Variants in PGR observed in about 807,000 individuals in gnomAD.
PGR encodes nuclear receptor subfamily 3 group C member 3.
In PGR, 25 loss-of-function variants were observed where a neutral mutation model predicts 76.1. That is an observed-to-expected ratio of 0.33 (90% CI 0.24 to 0.46). PGR has a LOEUF of 0.46. Among genes scored for constraint, PGR ranks in the 20% least tolerant of loss-of-function variants. The pLI, the probability that PGR is intolerant of heterozygous loss-of-function variation, is 1.00. For missense variants in PGR, 1,172 were observed against 1,225.3 expected (o/e 0.96, Z 0.65); for synonymous variants, 579 against 535.0 (o/e 1.08, Z -1.14).
At chr11:101,088,441 C>T (rs1412947240) in intron 3 of PGR, among the ~76,000 whole-genome samples, 1 of 152,154 alleles carries the variant, frequency 6.6e-6, no homozygotes, top group African/African-American at 2.4e-5. Context: ...ATGCCATTCT[C>T]CTGCCTCAGC....
chr11:101,096,977 C>A (rs955698366), intron 2 of PGR, among the ~76,000 whole-genome samples: 7 of 147,974 alleles, frequency 4.7e-5, no homozygotes, highest in African/African-American at 1.8e-4. Context: ...CTATAAGCCA[C>A]CACAAACAGG....
chr11:101,046,373 A>G (rs943169619), intron 6 of PGR, among the ~76,000 whole-genome samples: 8 of 135,924 alleles, frequency 5.9e-5, no homozygotes, highest in African/African-American at 2.3e-4. Flanking sequence ...GGCTGGTCTC[A>G]AACTCCTGGG....
At chr11:101,055,945 A>G (rs1298733506) in intron 4 of PGR, among the ~76,000 whole-genome samples, 1 of 152,212 alleles carries the variant, frequency 6.6e-6, no homozygotes. Flanking sequence ...ACAGAATGGA[A>G]TAGAACTCAG....
At chr11:101,103,303 G>A (rs1424909107) in intron 2 of PGR, among the ~76,000 whole-genome samples, 1 of 152,052 alleles carries the variant, frequency 6.6e-6, no homozygotes, top group Admixed American at 6.6e-5. Context: ...CTTTGGACTG[G>A]AATCTAAGAC....
chr11:101,102,489 G>T (rs931820455), intron 2 of PGR, among the ~76,000 whole-genome samples: 2 of 152,156 alleles, frequency 1.3e-5, no homozygotes, highest in African/African-American at 4.8e-5. Context: ...TGAGACAAAG[G>T]TTCAGACCAG....
At chr11:101,095,376 C>T (rs552650016) in intron 2 of PGR, among the ~76,000 whole-genome samples, 11 of 152,292 alleles carry the variant, frequency 7.2e-5, no homozygotes, top group African/African-American at 2.4e-4. Flanking sequence ...CTGCAACTTA[C>T]TATCCACAAA....
chr11:101,057,005 C>G (rs1417622369), intron 4 of PGR, among the ~76,000 whole-genome samples: 3 of 152,090 alleles, frequency 2.0e-5, no homozygotes, highest in African/African-American at 7.2e-5. Context: ...ATTCTTTAAC[C>G]ATCTATTTGG....
At chr11:101,045,268 TAACTC>T (rs544531297) in intron 6 of PGR, among the ~76,000 whole-genome samples, 14 of 152,304 alleles carry the variant, frequency 9.2e-5, no homozygotes, top group African/African-American at 2.9e-4. Flanking sequence ...ATTGAAAACT[TAACTC>T]TAGTATGTAC....
At chr11:101,060,914 T>G (rs992265789) in intron 4 of PGR, among the ~76,000 whole-genome samples, 1 of 152,182 alleles carries the variant, frequency 6.6e-6, no homozygotes, top group Admixed American at 6.5e-5. Flanking sequence ...GGTTTCCGGT[T>G]AAAAAGGTCA....
chr11:101,127,923 G>T lies in PGR; in HGVS notation c.1148C>A (p.Pro383His), dbSNP rs1256440745. 29 of 1,611,582 alleles carry T rather than the reference G, an allele frequency of 1.8e-5. No homozygotes were observed. The East Asian group carries it at 6.3e-4, about 35-fold the overall frequency. The stretch of plus-strand genomic sequence containing the variant: ...CTCCTCCTCCTTTATCTTTAGAGCG[G>T]GCGGCTGGAAGTCGCTATAGAGAGG... Reference protein sequence around the residue: ...AYPLYSDFQPPALKIKEEEEG... With the variant: ...AYPLYSDFQPHALKIKEEEEG... The change falls in exon 1 of 8, where the codon CCC (proline) becomes CAC (histidine). Residue 383 changes from proline to histidine, a missense_variant. Around this residue, in one of 4 missense-constraint regions of PGR, gnomAD observed 893 missense variants for 785.9 expected, o/e 1.14. Coordinates refer to ENST00000325455, the MANE Select transcript of PGR (RefSeq NM_000926.4).
At position 101,044,473 on chromosome 11, in the gene PGR, TATC is replaced by T. The variant is rs368537526; in HGVS notation, c.2489-2374_2489-2372del. Among the ~76,000 whole-genome samples, 311 of 152,248 alleles carry T rather than the reference TATC, an allele frequency of 2.0e-3. 1 individual carries two copies. The highest frequency in any genetic ancestry group is 6.9e-3 in the African/African-American group (287 of 41,554). On this transcript the variant is annotated intron_variant, in intron 6 of 7. Transcript: ENST00000325455. ...ATATCAGCAATAAGGCGGTTTTGCT[TATC>T]ATTCATGTGTTCACTGGAATGGCAC...
chr11:101,068,964 A>ACTT (rs1208049025), intron 3 of PGR, among the ~76,000 whole-genome samples: 5 of 152,228 alleles, frequency 3.3e-5, no homozygotes, highest in African/African-American at 1.2e-4. Flanking sequence ...ATGGGCAAAG[A>ACTT]CTTCATGACT....
At chr11:101,060,464 T>C (rs2135408282) in intron 4 of PGR, among the ~76,000 whole-genome samples, 1 of 152,298 alleles carries the variant, frequency 6.6e-6, no homozygotes, top group Non-Finnish European at 1.5e-5. Context: ...AGCAGGTACA[T>C]AATAGACATT....
rs111398246 is a variant in PGR, at chr11:101,057,305, A to G, written c.2212+5142T>C. 2.4e-3 allele frequency among the ~76,000 whole-genome samples: 371 copies of G among 152,270 alleles called. 1 individual carries two copies. Among genetic ancestry groups the G allele is most frequent in the Non-Finnish European group, 4.6e-3 (313 of 68,006 alleles). On this transcript the variant is annotated intron_variant, in intron 4 of 7. Transcript: ENST00000325455. ...TGGGAAAAGAGATGGGCTGCCAGGTAGGAAAAATAATATGGGCAAGAGAAG... is the reference window on the plus strand; with the variant it reads ...TGGGAAAAGAGATGGGCTGCCAGGTGGGAAAAATAATATGGGCAAGAGAAG...
At chr11:101,122,459 C>A (rs534989807) in intron 2 of PGR, among the ~76,000 whole-genome samples, 1 of 152,174 alleles carries the variant, frequency 6.6e-6, no homozygotes, top group Non-Finnish European at 1.5e-5. Context: ...ATAGTCCTTT[C>A]CTTCATCATA....
chr11:101,111,697 T>A (rs1277867262), intron 2 of PGR, among the ~76,000 whole-genome samples: 1 of 152,140 alleles, frequency 6.6e-6, no homozygotes, highest in African/African-American at 2.4e-5. Context: ...GAACACTGGC[T>A]TACCAGAGAA....
chr11:101,098,502 G>A lies in PGR; in HGVS notation c.1790-6626C>T, dbSNP rs79191811. Among the ~76,000 whole-genome samples, 1,475 of 152,160 alleles carry A rather than the reference G, an allele frequency of 9.7e-3. 29 individuals carry two copies. Among genetic ancestry groups the A allele is most frequent in the African/African-American group, 0.033 (1,369 of 41,500 alleles). On this transcript the variant is annotated intron_variant, in intron 2 of 7. Coordinates refer to ENST00000325455, the MANE Select transcript of PGR (RefSeq NM_000926.4). ...AGCAACATGAGCTGGTCCATATGAG[G>A]GCAATCTTTCTACCACAAACACAGA...
intron 2 of PGR, among the ~76,000 whole-genome samples, chr11:101,092,395 T>A (rs1321888249): frequency 6.6e-6 from 1 of 152,220 alleles, no homozygotes; most frequent in African/African-American, 2.4e-5. Flanking sequence ...AAGGAATCAA[T>A]GGAAGAGCAT....
At chr11:101,078,544 A>G (rs1861200465) in intron 3 of PGR, among the ~76,000 whole-genome samples, 1 of 152,232 alleles carries the variant, frequency 6.6e-6, no homozygotes, top group Non-Finnish European at 1.5e-5. Flanking sequence ...AAGATATATT[A>G]TCATCCTTAA....
Sources: allele counts gnomAD v4.1 joint callset (sites outside exome capture counted in the v4.1 genomes callset), GRCh38; gene constraint gnomAD v4.1.1; regional missense constraint gnomAD v4.1.1; transcripts MANE v1.5; gene names NCBI Gene and HGNC (gene_info 2026-07-23, HGNC 2026-07-21).